The following TASP1 variants were observed in gnomAD, a reference collection of about 807,000 sequenced individuals.
TASP1 encodes the protein threonine aspartase 1.
Under a neutral mutation model 56.6 loss-of-function variants are expected in TASP1, and 16 were observed. That is an observed-to-expected ratio of 0.28 (90% CI 0.19 to 0.43). TASP1 has a LOEUF of 0.43. TASP1 is among the 20% of genes least tolerant of loss of function. The pLI, the probability that TASP1 is intolerant of heterozygous loss-of-function variation, is 1.00. For synonymous variants in TASP1, 179 were observed against 184.2 expected (o/e 0.97, Z 0.23); for missense variants, 393 against 511.6 (o/e 0.77, Z 2.24).
chr20:13,141,319 T>G, the TASP1 span, among the ~76,000 whole-genome samples: 4 of 152,162 alleles, frequency 2.6e-5, no homozygotes, highest in Admixed American at 6.5e-5. Flanking sequence ...TCACTCAAAT[T>G]CTGTCTCTTC....
At chr20:13,635,381 CAATTTCTT>C (rs1343254462) in intron 1 of TASP1, among the ~76,000 whole-genome samples, 1 of 145,478 alleles carries the variant, frequency 6.9e-6, no homozygotes, top group Non-Finnish European at 1.5e-5. Flanking sequence ...TTTCCTTCAG[CAATTTCTT>C]TTTTTTTTTT....
At chr20:13,190,922 G>C in the TASP1 span, among the ~76,000 whole-genome samples, 1 of 151,706 alleles carries the variant, frequency 6.6e-6, no homozygotes, top group South Asian at 2.1e-4. Flanking sequence ...TTTAAAATGA[G>C]CAAATTATCC....
chr20:13,508,687 T>A (rs998431214), intron 10 of TASP1, among the ~76,000 whole-genome samples: 1 of 152,170 alleles, frequency 6.6e-6, no homozygotes, highest in South Asian at 2.1e-4. Flanking sequence ...AGGACATGAA[T>A]AGGACATTCT....
chr20:13,235,817 C>T, the TASP1 span, among the ~76,000 whole-genome samples: 1,863 of 152,302 alleles, frequency 0.012, 44 homozygotes, highest in African/African-American at 0.041. Context: ...ACCACTTTCC[C>T]TGATGAAAGG....
In TASP1 at chr20:13,559,257, T is replaced by C. The variant is rs1178440633; in HGVS notation, c.569-143A>G. The C allele has an allele frequency of 1.3e-5, 6 of 448,478 alleles. No homozygotes were observed. In the Admixed American group the frequency reaches 2.1e-4, roughly 16 times the overall value. The allele number at this position is 448,478 out of a possible 1,614,324, so 27.8% of individuals were successfully genotyped here. On this transcript the variant is annotated intron_variant, in intron 7 of 13. Transcript: ENST00000337743. ...GGGTTTAAAAAGTCTTTTCAATGTA[T>C]ACAGGGATAGTAGGAGAATAAGAGA... is the stretch of plus-strand genomic sequence containing the variant.
chr20:13,489,083 T>A (rs2043428724), intron 10 of TASP1, among the ~76,000 whole-genome samples: 1 of 152,096 alleles, frequency 6.6e-6, no homozygotes, highest in Admixed American at 6.6e-5. Context: ...ATGTTATAGG[T>A]CATACCTGCA....
the TASP1 span, among the ~76,000 whole-genome samples, chr20:13,353,472 T>A: frequency 6.6e-6 from 1 of 152,200 alleles, no homozygotes; most frequent in Non-Finnish European, 1.5e-5. Context: ...TAGTTATATT[T>A]TTGCTAACAC....
At chr20:13,175,379 A>G in the TASP1 span, among the ~76,000 whole-genome samples, 4 of 152,236 alleles carry the variant, frequency 2.6e-5, no homozygotes, top group Admixed American at 2.6e-4. Flanking sequence ...AGCTAAGCTG[A>G]AATTCTGGAG....
intron 13 of TASP1, among the ~76,000 whole-genome samples, chr20:13,416,912 A>G (rs1012589949): frequency 6.6e-6 from 1 of 152,240 alleles, no homozygotes; most frequent in Non-Finnish European, 1.5e-5. Context: ...CATGTGGGAC[A>G]TGGACAGAGA....
At chr20:13,525,889 A>G (rs1375440506) in intron 10 of TASP1, among the ~76,000 whole-genome samples, 1 of 152,196 alleles carries the variant, frequency 6.6e-6, no homozygotes, top group East Asian at 1.9e-4. Context: ...TGCGAAGAGT[A>G]TAACATGACA....
At chr20:13,533,275 T>C (rs1430803047) in intron 9 of TASP1, among the ~76,000 whole-genome samples, 2 of 152,198 alleles carry the variant, frequency 1.3e-5, no homozygotes, top group Non-Finnish European at 2.9e-5. Flanking sequence ...TCCGTGAGAA[T>C]ATCCAATTCA....
the TASP1 span, among the ~76,000 whole-genome samples, chr20:13,194,543 A>ATGTGTGTG: frequency 1.3e-4 from 18 of 142,294 alleles, no homozygotes; most frequent in African/African-American, 3.4e-4. Context: ...TCACCAAGAA[A>ATGTGTGTG]TGTGTGTGTG....
chr20:13,378,201 G>A, the TASP1 span, among the ~76,000 whole-genome samples: 1 of 152,098 alleles, frequency 6.6e-6, no homozygotes, highest in East Asian at 1.9e-4. Context: ...GCTTTTTCCT[G>A]TGGGCATTTA....
the TASP1 span, among the ~76,000 whole-genome samples, chr20:13,171,520 T>C: frequency 1.3e-5 from 2 of 152,310 alleles, no homozygotes; most frequent in African/African-American, 4.8e-5. Flanking sequence ...GATGAGGCTA[T>C]AACTGCTATA....
chr20:13,452,428 A>AAAAAAC (rs139997009), intron 11 of TASP1, among the ~76,000 whole-genome samples: 2 of 150,936 alleles, frequency 1.3e-5, no homozygotes, highest in African/African-American at 2.5e-5. Context: ...AAAAAAAAAA[A>AAAAAAC]TTCCTGAAAA....
the TASP1 span, among the ~76,000 whole-genome samples, chr20:13,229,465 G>A: frequency 6.6e-6 from 1 of 152,138 alleles, no homozygotes; most frequent in Non-Finnish European, 1.5e-5. Context: ...ATTAAACTAA[G>A]TTTTTGAGAT....
downstream of TASP1, among the ~76,000 whole-genome samples, chr20:13,388,747 G>A (rs574772633): frequency 2.0e-5 from 3 of 152,308 alleles, no homozygotes; most frequent in South Asian, 4.1e-4. Flanking sequence ...CATTAAGAAT[G>A]AGAAACAGAT....
At chr20:13,126,343 A>G in the TASP1 span, among the ~76,000 whole-genome samples, 1 of 152,248 alleles carries the variant, frequency 6.6e-6, no homozygotes, top group South Asian at 2.1e-4. Flanking sequence ...GTTTTGCCTT[A>G]AAGTTCAACT....
intron 4 of TASP1, chr20:13,616,877 T>C: frequency 3.1e-6 from 1 of 323,628 alleles, no homozygotes; most frequent in South Asian, 2.3e-5. Context: ...CCAGGCTAAA[T>C]GGGCTCTGTC....
Sources: gnomAD v4.1 joint callset for allele counts (sites outside exome capture counted in the v4.1 genomes callset) on GRCh38, gnomAD v4.1.1 for gene constraint, MANE v1.5 for transcripts, NCBI Gene and HGNC (gene_info 2026-07-23, HGNC 2026-07-21) for gene names.